Variants in PTPRD observed in about 807,000 individuals in gnomAD.
PTPRD encodes protein tyrosine phosphatase receptor type D, also known as receptor-type tyrosine-protein phosphatase delta.
Under a neutral mutation model 214.5 loss-of-function variants are expected in PTPRD, and 34 were observed. That is an observed-to-expected ratio of 0.16 (90% CI 0.12 to 0.21). The LOEUF (loss-of-function observed/expected upper bound fraction) is 0.21, where lower values mean the gene tolerates loss of function less well. Among genes scored for constraint, PTPRD ranks in the 10% least tolerant of loss-of-function variants. The pLI, the probability that PTPRD is intolerant of heterozygous loss-of-function variation, is 1.00. For synonymous variants in PTPRD, 1,128 were observed against 845.7 expected, an observed-to-expected ratio of 1.33 and a Z score of -5.79; for missense variants, 2,545 against 2,398.7, an observed-to-expected ratio of 1.06 and a Z score of -1.27.
At chr9:8,832,840 CTTCA>C (rs1180247232) in intron 11 of PTPRD, among the ~76,000 whole-genome samples, 3 of 151,868 alleles carry the variant, frequency 2.0e-5, no homozygotes, top group Non-Finnish European at 4.4e-5. Context: ...TTGCATGAGG[CTTCA>C]TTTTTTCATA....
At chr9:9,023,062 C>T (rs191608107) in intron 10 of PTPRD, among the ~76,000 whole-genome samples, 105 of 152,118 alleles carry the variant, frequency 6.9e-4, no homozygotes, top group Non-Finnish European at 1.3e-3. Flanking sequence ...ATTTTTGTTT[C>T]TTCTTTTGTA....
intron 5 of PTPRD, among the ~76,000 whole-genome samples, chr9:9,859,484 T>A (rs1462366468): frequency 3.3e-5 from 5 of 152,186 alleles, no homozygotes; most frequent in Non-Finnish European, 7.3e-5. Context: ...TGTTATGCAT[T>A]ATTTAACATC....
intron 3 of PTPRD, among the ~76,000 whole-genome samples, chr9:10,097,427 G>C (rs1445023362): frequency 6.7e-6 from 1 of 150,284 alleles, no homozygotes; most frequent in East Asian, 2.0e-4. Context: ...GCAGTGTTTT[G>C]TAGTTCTCCT....
At chr9:9,998,694 G>T (rs1299394264) in intron 4 of PTPRD, among the ~76,000 whole-genome samples, 1 of 152,086 alleles carries the variant, frequency 6.6e-6, no homozygotes, top group African/African-American at 2.4e-5. Context: ...AGTACACAAG[G>T]CAAGATAAGC....
chr9:9,205,892 T>C (rs2099944584), intron 9 of PTPRD, among the ~76,000 whole-genome samples: 3 of 152,170 alleles, frequency 2.0e-5, no homozygotes, highest in Admixed American at 1.3e-4. Context: ...AATTAACAAA[T>C]CATTATTTCA....
intron 9 of PTPRD, among the ~76,000 whole-genome samples, chr9:9,217,544 C>T (rs1220346869): frequency 3.3e-5 from 5 of 150,324 alleles, no homozygotes; most frequent in Admixed American, 2.6e-4. Flanking sequence ...TTGGCTATGT[C>T]GGATCCTTTA....
chr9:9,614,674 T>C (rs1366718853), intron 7 of PTPRD, among the ~76,000 whole-genome samples: 3 of 152,216 alleles, frequency 2.0e-5, no homozygotes, highest in Non-Finnish European at 2.9e-5. Context: ...AGTATATGCA[T>C]AGCTATCATG....
At chr9:10,568,779 G>A (rs967346424) in intron 2 of PTPRD, among the ~76,000 whole-genome samples, 2 of 152,012 alleles carry the variant, frequency 1.3e-5, no homozygotes, top group Non-Finnish European at 2.9e-5. Context: ...ATTCAAGACG[G>A]ATTAAAGACT....
chr9:8,436,092 C>G (rs559481708), intron 35 of PTPRD, among the ~76,000 whole-genome samples: 6 of 152,224 alleles, frequency 3.9e-5, no homozygotes, highest in African/African-American at 1.4e-4. Flanking sequence ...ATTCTAGGAA[C>G]TGAAAAATCA....
chr9:10,105,968 A>G (rs1563841982), intron 3 of PTPRD, among the ~76,000 whole-genome samples: 1 of 147,102 alleles, frequency 6.8e-6, no homozygotes. Context: ...ATGAATGCCC[A>G]GAAAGAGACA....
Position 9,251,412 on chromosome 9 carries a change from T to A in PTPRD, c.-202-68049A>T, listed in dbSNP as rs532406199. 2.0e-5 allele frequency among the ~76,000 whole-genome samples: 3 copies of A among 152,234 alleles called. No individual in the cohort carries two copies. In the South Asian group the frequency reaches 6.2e-4, roughly 32 times the overall value. ...ATATTCATACATACTTGCTAGTAAG[T>A]TTTAAAGCTCTATGCCTTTGTACAT... On this transcript the variant is annotated intron_variant, in intron 9 of 45. Coordinates refer to ENST00000381196, the MANE Select transcript of PTPRD (RefSeq NM_002839.4).
intron 3 of PTPRD, among the ~76,000 whole-genome samples, chr9:10,294,976 C>G (rs1320864679): frequency 2.2e-5 from 3 of 135,936 alleles, no homozygotes; most frequent in African/African-American, 7.6e-5. Flanking sequence ...ATAGTAAGTT[C>G]TTCTAGTCAG....
chr9:10,319,808 A>C (rs1049785308), intron 3 of PTPRD, among the ~76,000 whole-genome samples: 1 of 151,846 alleles, frequency 6.6e-6, no homozygotes, highest in African/African-American at 2.4e-5. Context: ...ATGTACAAAA[A>C]CTCTGTTACA....
intron 8 of PTPRD, among the ~76,000 whole-genome samples, chr9:9,482,425 G>A (rs943018260): frequency 2.6e-5 from 4 of 152,132 alleles, no homozygotes; most frequent in Admixed American, 2.0e-4. Context: ...CAGCAAAATG[G>A]GGTAGAACGT....
rs1419160613 is a variant in PTPRD at position 9,392,461 on chromosome 9, A to G, written c.-203+4988T>C. Among the ~76,000 whole-genome samples, 2 of 152,200 alleles carry G rather than the reference A, an allele frequency of 1.3e-5. 1 individual carries two copies. The highest frequency in any genetic ancestry group is 2.9e-5 in the Non-Finnish European group (2 of 68,028). ...GATTCAACTGAGATAAAATTGTCTCATATCAGTAGATACAAAATTACCACG... is the reference window on the plus strand; with the variant it reads ...GATTCAACTGAGATAAAATTGTCTCGTATCAGTAGATACAAAATTACCACG... On this transcript the variant is annotated intron_variant, in intron 9 of 45. Transcript: ENST00000381196.
At chr9:9,927,292 T>A (rs566061565) in intron 5 of PTPRD, among the ~76,000 whole-genome samples, 3 of 152,220 alleles carry the variant, frequency 2.0e-5, no homozygotes, top group African/African-American at 7.2e-5. Flanking sequence ...CCTAAATCAA[T>A]CTCTGTGTTT....
chr9:8,482,973 C>T (rs530263180), intron 30 of PTPRD, among the ~76,000 whole-genome samples: 5 of 152,346 alleles, frequency 3.3e-5, no homozygotes, highest in East Asian at 1.9e-4. Context: ...CTATCATTAA[C>T]GCTTACTACA....
chr9:9,566,086 C>A (rs1021097413), intron 8 of PTPRD, among the ~76,000 whole-genome samples: 1 of 151,898 alleles, frequency 6.6e-6, no homozygotes, highest in Non-Finnish European at 1.5e-5. Context: ...TATTCCTGCA[C>A]ATTTTTTCTT....
chr9:9,629,373 CCTTT>C (rs1436006844), intron 7 of PTPRD, among the ~76,000 whole-genome samples: 2 of 151,610 alleles, frequency 1.3e-5, no homozygotes, highest in African/African-American at 4.9e-5. Context: ...AATGCCACTT[CCTTT>C]ATTTCAGGAC....
Sources: gnomAD v4.1 joint callset for allele counts (sites outside exome capture counted in the v4.1 genomes callset) on GRCh38, gnomAD v4.1.1 for gene constraint, MANE v1.5 for transcripts, NCBI Gene and HGNC (gene_info 2026-07-23, HGNC 2026-07-21) for gene names.